CACNA1B: variants seen among roughly 807,000 people sequenced by gnomAD.
The protein encoded by CACNA1B is calcium voltage-gated channel subunit alpha1 B.
CACNA1B carries 70 observed loss-of-function variants against 247.2 expected under a neutral mutation model. The observed-to-expected ratio is 0.28, with a 90% CI of 0.23 to 0.35. The LOEUF (loss-of-function observed/expected upper bound fraction) is 0.35. Among genes scored for constraint, CACNA1B ranks in the 10% least tolerant of loss-of-function variants. CACNA1B has a pLI of 1.00. For synonymous variants in CACNA1B, 1,231 were observed against 1,294.4 expected (o/e 0.95, Z 1.05); for missense variants, 2,367 against 3,197.4 (o/e 0.74, Z 6.26).
intron 15 of CACNA1B, among the ~76,000 whole-genome samples, chr9:138,002,876 C>T (rs1245925280): frequency 6.6e-6 from 1 of 151,558 alleles, no homozygotes; most frequent in Non-Finnish European, 1.5e-5. Flanking sequence ...TCTTGGTTCA[C>T]TGTAACCTCC....
chr9:138,117,981 C>A lies in CACNA1B; in HGVS notation c.5813C>A (p.Ser1938Tyr), dbSNP rs199624982. Reference sequence around the variant, plus strand: ...GAGAGTGGCATCAAAGAGTCTGTCTCCTGGGGCACTCAAAGGACCCAGGAT... The same window carrying A: ...GAGAGTGGCATCAAAGAGTCTGTCTACTGGGGCACTCAAAGGACCCAGGAT... ...NQESGIKESV[S>Y]WGTQRTQDAP... is the part of the protein sequence containing the mutation. Residue 1938 changes from serine (S) to tyrosine (Y), a missense_variant, in exon 43 of 47, where the codon TCC becomes TAC. By Grantham distance (144) the Ser-to-Tyr change is moderately radical. Around this residue, in one of 12 missense-constraint regions of CACNA1B, gnomAD observed 773 missense variants for 779.4 expected, o/e 0.99. Transcript: ENST00000371372. 6 of 1,597,506 alleles carry A rather than the reference C, an allele frequency of 3.8e-6. No individual in the cohort carries two copies. The highest frequency in any genetic ancestry group is 5.1e-6 in the Non-Finnish European group (6 of 1,170,892).
At position 138,011,677 on chromosome 9, in the gene CACNA1B, C is replaced by T. The variant is rs1050386594; in HGVS notation, c.2161-1452C>T. 1.3e-5 allele frequency among the ~76,000 whole-genome samples: 2 copies of T among 152,150 alleles called. No individual in the cohort carries two copies. The highest frequency in any genetic ancestry group is 2.1e-4 in the South Asian group (1 of 4,830). On this transcript the variant is annotated intron_variant, in intron 17 of 46. Coordinates refer to ENST00000371372, the MANE Select transcript of CACNA1B (RefSeq NM_000718.4). The surrounding 1 kb of genome is among the most constrained non-coding windows in gnomAD (Gnocchi z 4.2). Reference sequence around the variant, plus strand: ...GGGAAGCTGGATGCAGCCGGATCTGCGAGGAGGGACCTGGGTGTGGGTGTT... The same window carrying T: ...GGGAAGCTGGATGCAGCCGGATCTGTGAGGAGGGACCTGGGTGTGGGTGTT...
intron 21 of CACNA1B, among the ~76,000 whole-genome samples, chr9:138,045,570 T>A (rs1424667811): frequency 6.6e-6 from 1 of 152,184 alleles, no homozygotes; most frequent in East Asian, 1.9e-4. Context: ...GGCACTGCGT[T>A]CACTGAGACC....
chr9:137,972,834 G>C (rs1191640659), intron 11 of CACNA1B, among the ~76,000 whole-genome samples: 2 of 152,216 alleles, frequency 1.3e-5, no homozygotes, highest in South Asian at 2.1e-4. Flanking sequence ...TCCGGCTCAG[G>C]CTCCCTGGGC....
chr9:137,894,302 ATTTTTTTTT>A lies in CACNA1B; in HGVS notation c.530+11433_530+11441del, dbSNP rs56794355. Among the ~76,000 whole-genome samples, 171 of 96,082 alleles carry A rather than the reference ATTTTTTTTT, an allele frequency of 1.8e-3. No individual in the cohort carries two copies. The South Asian group carries it at 0.023, about 13-fold the overall frequency. The allele number at this position is 96,082 out of a possible 152,430, so 63.0% of individuals were successfully genotyped here. ...TCGCCGGCACGGGGGTTGTCTCTGT[ATTTTTTTTT>A]TTTTTTTTTTTTTGATTCTGATAGA... On this transcript the variant is annotated intron_variant, in intron 3 of 46. Coordinates refer to ENST00000371372, the MANE Select transcript of CACNA1B (RefSeq NM_000718.4).
rs201936500 is a variant in CACNA1B, at chr9:138,118,763, A to T, written c.6025A>T (p.Thr2009Ser). The T allele has an allele frequency of 1.9e-3, 2,817 of 1,471,666 alleles. 73 individuals are homozygous for T. The South Asian group carries it at 0.033, about 17-fold the overall frequency. 91.2% of individuals were successfully genotyped at this position (1,471,666 alleles called of 1,614,324 possible). A position where few individuals can be genotyped will look rare whatever the true frequency, so the allele number is the denominator to read the frequency against. ...CTCCATGCCCCGCCTTGCGGCCGAG[A>T]CTCAGGTAGGTGGTCTGGGAGGGTC... Reference protein sequence around the residue: ...AASMPRLAAETQPVTDASPMK... With the variant: ...AASMPRLAAESQPVTDASPMK... The change falls in exon 44 of 47, where the codon ACT (threonine) becomes TCT (serine). Residue 2009 changes from threonine (T) to serine (S), a missense_variant. This residue lies in a region of CACNA1B where 773 missense variants were observed against 779.4 expected (regional missense o/e 0.99). Transcript: ENST00000371372.
chr9:138,026,448 C>A (rs1455293573), intron 20 of CACNA1B, among the ~76,000 whole-genome samples: 1 of 152,212 alleles, frequency 6.6e-6, no homozygotes, highest in Non-Finnish European at 1.5e-5. Flanking sequence ...CCCCACACCC[C>A]TGTTGGCAAC....
chr9:138,047,169 C>A, intron 22 of CACNA1B, 136 bp downstream of exon 22: 1 of 869,214 alleles, frequency 1.2e-6, no homozygotes, highest in Non-Finnish European at 1.8e-6. Flanking sequence ...TGTCTGTGTG[C>A]CTGGCAGTGC....
intron 13 of CACNA1B, among the ~76,000 whole-genome samples, chr9:137,985,881 A>G (rs1958354258): frequency 1.3e-5 from 2 of 152,330 alleles, no homozygotes; most frequent in African/African-American, 4.8e-5. Flanking sequence ...TCACCCTACA[A>G]GCTCTCCACG....
At chr9:138,039,265 TAGA>T (rs1959087035) in intron 20 of CACNA1B, among the ~76,000 whole-genome samples, 1 of 152,180 alleles carries the variant, frequency 6.6e-6, no homozygotes, top group Non-Finnish European at 1.5e-5. Context: ...GTAATTCAAA[TAGA>T]AGATTGTAGG....
chr9:137,967,790 A>G (rs1001233091), intron 10 of CACNA1B, among the ~76,000 whole-genome samples: 3 of 152,168 alleles, frequency 2.0e-5, no homozygotes, highest in African/African-American at 7.2e-5. Flanking sequence ...CTCAAACTGC[A>G]GGCTCAGGGC....
intron 10 of CACNA1B, among the ~76,000 whole-genome samples, chr9:137,962,620 T>C (rs1033788418): frequency 9.2e-5 from 14 of 152,216 alleles, no homozygotes; most frequent in Admixed American, 6.5e-4. Context: ...ACTTTTTGAT[T>C]TCTGCATTAA....
In CACNA1B at chr9:138,045,279, G is replaced by A. The variant is rs539077056; in HGVS notation, c.3413+1379G>A. ...ACCATCCCGGAGCACACTGAGAAGC[G>A]TGGGACGTGTGCACAGTGGGGGTAC... On this transcript the variant is annotated intron_variant, in intron 21 of 46. Transcript: ENST00000371372. 3.9e-5 allele frequency among the ~76,000 whole-genome samples: 6 copies of A among 152,288 alleles called. No individual in the cohort carries two copies. The South Asian group carries it at 6.2e-4, about 16-fold the overall frequency.
At chr9:138,088,240 GCACCTGTAAGCC>G (rs1960766008) in intron 36 of CACNA1B, among the ~76,000 whole-genome samples, 1 of 151,836 alleles carries the variant, frequency 6.6e-6, no homozygotes. Flanking sequence ...ATGTTGGCGG[GCACCTGTAAGCC>G]CATCTACTTG....
intron 10 of CACNA1B, among the ~76,000 whole-genome samples, chr9:137,963,193 G>C (rs977660650): frequency 1.3e-5 from 2 of 152,014 alleles, no homozygotes; most frequent in Non-Finnish European, 2.9e-5. Flanking sequence ...TCAGAAACTA[G>C]GATTGCAACC....
At chr9:137,960,412 GAGGGGAGGTCAGCCTGAGAGACGGA>G (rs1958004185) in intron 10 of CACNA1B, among the ~76,000 whole-genome samples, 3 of 7,640 alleles carry the variant, frequency 3.9e-4, no homozygotes, top group Admixed American at 1.4e-3. Context: ...GGGGGAGGGG[GAGGGGAGGTCAGCCTGAGAGACGGA>G]GGGGGAGGGG....
At chr9:138,041,417 G>T (rs1460179186) in intron 20 of CACNA1B, among the ~76,000 whole-genome samples, 1 of 152,144 alleles carries the variant, frequency 6.6e-6, no homozygotes. Context: ...CCCCTCCAAA[G>T]CTCGCTGTTT....
At chr9:137,966,693 C>T (rs574141938) in intron 10 of CACNA1B, among the ~76,000 whole-genome samples, 1 of 151,892 alleles carries the variant, frequency 6.6e-6, no homozygotes, top group South Asian at 2.1e-4. Context: ...CACGTGCCAC[C>T]ACGCCCAGCT....
intron 3 of CACNA1B, among the ~76,000 whole-genome samples, chr9:137,897,574 C>T (rs1305616104): frequency 6.6e-6 from 1 of 152,026 alleles, no homozygotes; most frequent in Non-Finnish European, 1.5e-5. Flanking sequence ...AGCAAGACTC[C>T]GTCTCAAAAA....
Sources: allele counts gnomAD v4.1 joint callset (sites outside exome capture counted in the v4.1 genomes callset), GRCh38; gene constraint gnomAD v4.1.1; regional missense constraint gnomAD v4.1.1; non-coding constraint Gnocchi (gnomAD v3.1); transcripts MANE v1.5; gene names NCBI Gene and HGNC (gene_info 2026-07-23, HGNC 2026-07-21).